The following PLXNA4 variants were observed in gnomAD, a reference collection of about 807,000 sequenced individuals.
PLXNA4 encodes the protein plexin-A4.
Under a neutral mutation model 191.8 loss-of-function variants are expected in PLXNA4, and 44 were observed. The ratio of observed to expected loss-of-function variants is 0.23; its 90% confidence interval spans 0.18 to 0.29. The LOEUF (loss-of-function observed/expected upper bound fraction) is 0.29, where lower values mean the gene tolerates loss of function less well. PLXNA4 is among the 10% of genes least tolerant of loss of function. The pLI is 1.00. For missense variants in PLXNA4, 1,800 were observed against 2,488.8 expected (o/e 0.72, Z 5.89); for synonymous variants, 1,082 against 1,009.5 (o/e 1.07, Z -1.36).
chr7:132,408,790 G>A (rs758583468), intron 3 of PLXNA4, among the ~76,000 whole-genome samples: 2 of 151,990 alleles, frequency 1.3e-5, no homozygotes, highest in Non-Finnish European at 2.9e-5. Flanking sequence ...TATAAAAGGA[G>A]GTCCAGTCAC....
chr7:132,132,380 T>TTGTTCTGTTCTGTTCTGTTCTGTTC (rs1156315109), intron 31 of PLXNA4, among the ~76,000 whole-genome samples: 70 of 129,006 alleles, frequency 5.4e-4, no homozygotes, highest in East Asian at 1.5e-3. Context: ...CACATTCTAT[T>TTGTTCTGTTCTGTTCTGTTCTGTTC]TGTTCTGTTC....
At chr7:132,443,115 C>A (rs1795756597) in intron 3 of PLXNA4, among the ~76,000 whole-genome samples, 1 of 152,186 alleles carries the variant, frequency 6.6e-6, no homozygotes, top group South Asian at 2.1e-4. Context: ...GCTTTTCCCA[C>A]TCCTGTGTCT....
At chr7:132,314,642 T>C (rs1162223144) in intron 3 of PLXNA4, among the ~76,000 whole-genome samples, 5 of 152,140 alleles carry the variant, frequency 3.3e-5, no homozygotes, top group Non-Finnish European at 1.5e-5. Flanking sequence ...TACTCTGGGG[T>C]TCCAAAAGAG....
intron 6 of PLXNA4, 50 bp from the exon 7 acceptor site, chr7:132,227,654 A>G: frequency 6.2e-7 from 1 of 1,611,512 alleles, no homozygotes; most frequent in African/African-American, 1.3e-5. Flanking sequence ...AAATGGGAAA[A>G]GGACAGGTAT....
chr7:132,285,306 A>C (rs4728254), intron 4 of PLXNA4, among the ~76,000 whole-genome samples: 100,147 of 152,138 alleles, frequency 0.66, 35,027 homozygotes, highest in African/African-American at 0.89. Context: ...CTAGCCCTGA[A>C]CCACCTTCAA....
intron 3 of PLXNA4, among the ~76,000 whole-genome samples, chr7:132,386,564 G>T (rs558018770): frequency 1.3e-5 from 2 of 152,318 alleles, no homozygotes; most frequent in African/African-American, 4.8e-5. Flanking sequence ...GGAACAGGCT[G>T]CCCAGGCTTG....
In PLXNA4 at chr7:132,298,160, G is replaced by T. The variant is rs550217810; in HGVS notation, c.1434C>A (p.Pro478=). The part of the protein sequence containing the change: ...LQYETVQVVD[P]GPVLRDMAFS... Reference sequence around the variant, plus strand: ...AGGCCATATCCCGGAGGACTGGGCCGGGGTCCACCACCTGCACCGTCTCAT... The same window carrying T: ...AGGCCATATCCCGGAGGACTGGGCCTGGGTCCACCACCTGCACCGTCTCAT... The change falls in exon 4 of 32, where the codon CCC becomes CCA. Residue 478 remains proline (P), a synonymous_variant. Coordinates refer to ENST00000321063, the MANE Select transcript of PLXNA4 (RefSeq NM_020911.2). 5.0e-6 allele frequency: 8 copies of T among 1,614,136 alleles called. No homozygotes were observed. Among genetic ancestry groups the T allele is most frequent in the Non-Finnish European group, 8.5e-7 (1 of 1,180,008 alleles).
At chr7:132,421,459 C>G (rs113256798) in intron 3 of PLXNA4, among the ~76,000 whole-genome samples, 5 of 152,160 alleles carry the variant, frequency 3.3e-5, no homozygotes, top group Admixed American at 2.6e-4. Flanking sequence ...AGAAAATTCC[C>G]CCGTTCTGCT....
At chr7:132,138,295 G>A (rs1221558049) in intron 30 of PLXNA4, among the ~76,000 whole-genome samples, 12 of 152,176 alleles carry the variant, frequency 7.9e-5, no homozygotes, top group Non-Finnish European at 1.8e-4. Flanking sequence ...CAGCAGGGGA[G>A]CAAATTCAGA....
intron 2 of PLXNA4, among the ~76,000 whole-genome samples, chr7:132,615,845 G>T (rs190594619): frequency 6.5e-4 from 97 of 150,246 alleles, no homozygotes; most frequent in African/African-American, 2.2e-3. Flanking sequence ...TCTCCCCACC[G>T]CTATCCCTCC....
At chr7:132,557,941 G>C (rs1380467786) in intron 1 of PLXNA4, among the ~76,000 whole-genome samples, 1 of 152,172 alleles carries the variant, frequency 6.6e-6, no homozygotes, top group Non-Finnish European at 1.5e-5. Context: ...GAGAGAGAGA[G>C]AGAGAGAGAC....
At chr7:132,647,779 T>C (rs193067504) in intron 1 of PLXNA4, among the ~76,000 whole-genome samples, 4 of 150,930 alleles carry the variant, frequency 2.7e-5, no homozygotes, top group Admixed American at 2.0e-4. Context: ...AACACTATCA[T>C]ATACACACAT....
At chr7:132,142,425 A>G (rs1284936499) in intron 29 of PLXNA4, among the ~76,000 whole-genome samples, 1 of 152,210 alleles carries the variant, frequency 6.6e-6, no homozygotes, top group East Asian at 1.9e-4. Flanking sequence ...TAGAACTTAA[A>G]TTCTTTGAAT....
At chr7:132,605,698 T>C (rs1019639274) in intron 2 of PLXNA4, among the ~76,000 whole-genome samples, 1 of 143,066 alleles carries the variant, frequency 7.0e-6, no homozygotes. Flanking sequence ...GTGAATGTAA[T>C]CTTATTTGGA....
intron 21 of PLXNA4, among the ~76,000 whole-genome samples, chr7:132,170,375 T>C (rs12537017): frequency 0.35 from 53,729 of 151,704 alleles, 11,074 homozygotes; most frequent in African/African-American, 0.56. Flanking sequence ...CACTTGGCAC[T>C]TCTTTCTGCC....
rs542066484 is a variant in PLXNA4, at chr7:132,226,589, T to C, written c.1883-329A>G. Among the ~76,000 whole-genome samples the C allele has an allele frequency of 2.0e-5, 3 of 151,838 alleles. No individual in the cohort carries two copies. In the South Asian group the frequency reaches 6.3e-4, roughly 32 times the overall value. On this transcript the variant is annotated intron_variant, in intron 7 of 31. Transcript: ENST00000321063. The stretch of plus-strand genomic sequence containing the variant: ...GATTCATAACCAGGAGAAACACATA[T>C]GTAGACTTCTAGGAATCTAGGAATG...
At chr7:132,368,209 G>A (rs1804273540) in intron 3 of PLXNA4, among the ~76,000 whole-genome samples, 4 of 152,154 alleles carry the variant, frequency 2.6e-5, no homozygotes, top group South Asian at 4.1e-4. Context: ...TAAGAAGGGA[G>A]AACGAAGGGC....
intron 1 of PLXNA4, among the ~76,000 whole-genome samples, chr7:132,561,272 GC>G (rs1449094953): frequency 6.6e-6 from 1 of 151,818 alleles, no homozygotes; most frequent in Non-Finnish European, 1.5e-5. Flanking sequence ...TCAACTGGAT[GC>G]CCCTCTTCCT....
intron 2 of PLXNA4, among the ~76,000 whole-genome samples, chr7:132,505,635 C>CTTGTGTGTG (rs1798435875): frequency 6.6e-6 from 1 of 152,170 alleles, no homozygotes; most frequent in Non-Finnish European, 1.5e-5. Context: ...TTACTCACTC[C>CTTGTGTGTG]TAAGATGTGT....
Sources: allele counts gnomAD v4.1 joint callset (sites outside exome capture counted in the v4.1 genomes callset), GRCh38; gene constraint gnomAD v4.1.1; transcripts MANE v1.5; gene names NCBI Gene and HGNC (gene_info 2026-07-23, HGNC 2026-07-21).